Variants in SHANK2 observed in about 807,000 individuals in gnomAD.
SHANK2 encodes SH3 and multiple ankyrin repeat domains protein 2.
A neutral mutation model predicts 133.7 loss-of-function variants in SHANK2; 43 were observed. The observed-to-expected ratio is 0.32, with a 90% confidence interval of 0.25 to 0.41. SHANK2 has a LOEUF of 0.41. SHANK2 is among the 10% of genes least tolerant of loss of function. The pLI is 1.00. For synonymous variants in SHANK2, 1,017 were observed against 952.8 expected (o/e 1.07, Z -1.24); for missense variants, 1,994 against 2,235.8 (o/e 0.89, Z 2.18).
Position 70,777,383 on chromosome 11 carries a change from C to G in SHANK2, c.1777+21060G>C, listed in dbSNP as rs149805519. On this transcript the variant is annotated intron_variant, in intron 14 of 25. Coordinates refer to ENST00000601538, the MANE Select transcript of SHANK2 (RefSeq NM_012309.5). Reference sequence around the variant, plus strand: ...TCCATCCATACACCCATCCACCCACCCATGTATTCATCTACCCATCCACCC... The same window carrying G: ...TCCATCCATACACCCATCCACCCACGCATGTATTCATCTACCCATCCACCC... Among the ~76,000 whole-genome samples, 314 of 151,892 alleles carry G rather than the reference C, an allele frequency of 2.1e-3. 2 individuals carry two copies. Among genetic ancestry groups the G allele is most frequent in the Admixed American group, 3.9e-3 (59 of 15,250 alleles).
intron 11 of SHANK2, chr11:70,873,270 C>G: frequency 2.6e-6 from 1 of 386,138 alleles, no homozygotes; most frequent in Non-Finnish European, 5.3e-6. Flanking sequence ...TTAACATCCT[C>G]TGACAAAACC....
intron 8 of SHANK2, among the ~76,000 whole-genome samples, chr11:71,079,397 G>C (rs1951262188): frequency 6.6e-6 from 1 of 152,216 alleles, no homozygotes; most frequent in South Asian, 2.1e-4. Flanking sequence ...GGGCATATGG[G>C]AGTTCCTTGT....
At chr11:71,072,414 A>G (rs1169655750) in intron 9 of SHANK2, among the ~76,000 whole-genome samples, 2 of 152,236 alleles carry the variant, frequency 1.3e-5, no homozygotes, top group African/African-American at 4.8e-5. Flanking sequence ...CAGGGCTCAC[A>G]TCCCAGAAGC....
At chr11:70,788,185 C>T (rs1010627662) in intron 14 of SHANK2, among the ~76,000 whole-genome samples, 4 of 152,090 alleles carry the variant, frequency 2.6e-5, no homozygotes, top group Non-Finnish European at 4.4e-5. Flanking sequence ...GAGGACAGGT[C>T]CCCCACCAGG....
intron 2 of SHANK2, among the ~76,000 whole-genome samples, chr11:71,194,015 A>G (rs4418833): frequency 0.25 from 37,852 of 152,088 alleles, 5,421 homozygotes; most frequent in East Asian, 0.41. Context: ...GACACAGTTC[A>G]GCCCACAGCA....
chr11:71,087,094 A>G (rs1951429837), intron 8 of SHANK2, among the ~76,000 whole-genome samples: 1 of 152,206 alleles, frequency 6.6e-6, no homozygotes, highest in African/African-American at 2.4e-5. Context: ...GCAGCTGCAC[A>G]GGCTCAGGCC....
chr11:70,609,209 C>T (rs1472622337), intron 17 of SHANK2, among the ~76,000 whole-genome samples: 1 of 152,242 alleles, frequency 6.6e-6, no homozygotes, highest in Non-Finnish European at 1.5e-5. Flanking sequence ...CGGGACGGCC[C>T]ACCCAACAGA....
intron 10 of SHANK2, among the ~76,000 whole-genome samples, chr11:70,946,466 C>A (rs561432571): frequency 6.7e-6 from 1 of 149,948 alleles, no homozygotes; most frequent in Non-Finnish European, 1.5e-5. Context: ...CTCCACTAAC[C>A]AACTCTTCCC....
chr11:71,247,254 C>A (rs1490804107), intron 1 of SHANK2, among the ~76,000 whole-genome samples: 1 of 152,128 alleles, frequency 6.6e-6, no homozygotes, highest in Non-Finnish European at 1.5e-5. Flanking sequence ...GCAACAGTTC[C>A]TTTTAAAATA....
intron 6 of SHANK2, 42 bp downstream of exon 6, chr11:71,109,899 C>A: frequency 7.8e-7 from 1 of 1,276,922 alleles, no homozygotes; most frequent in Non-Finnish European, 1.1e-6. Context: ...CTTCTCTACG[C>A]TTCCGTAAAG....
chr11:70,491,838 A>C (rs1555155882), intron 22 of SHANK2, among the ~76,000 whole-genome samples: 1 of 151,832 alleles, frequency 6.6e-6, no homozygotes, highest in East Asian at 1.9e-4. Context: ...GCCTGCTCTG[A>C]GCCAGGCACC....
intron 3 of SHANK2, among the ~76,000 whole-genome samples, chr11:71,120,362 G>T (rs1555101232): frequency 6.6e-6 from 1 of 152,142 alleles, no homozygotes; most frequent in African/African-American, 2.4e-5. Context: ...ACAAAAGGAG[G>T]TTTGATTGAA....
chr11:70,851,714 G>C (rs1186253706), intron 11 of SHANK2, among the ~76,000 whole-genome samples: 1 of 152,194 alleles, frequency 6.6e-6, no homozygotes, highest in Non-Finnish European at 1.5e-5. Flanking sequence ...GTTACTCACA[G>C]CCAAATCTCA....
chr11:70,522,151 C>G (rs2059338393), intron 17 of SHANK2, among the ~76,000 whole-genome samples: 4 of 152,210 alleles, frequency 2.6e-5, no homozygotes, highest in Admixed American at 6.5e-5. Context: ...CTTTCCCCAC[C>G]ACAGCCCCGC....
chr11:70,624,967 C>A (rs1024704834), intron 17 of SHANK2, among the ~76,000 whole-genome samples: 1 of 152,200 alleles, frequency 6.6e-6, no homozygotes, highest in Non-Finnish European at 1.5e-5. Context: ...ACAGCCCCCA[C>A]AAGACCACCC....
intron 14 of SHANK2, among the ~76,000 whole-genome samples, chr11:70,746,701 G>C (rs560803223): frequency 1.3e-5 from 2 of 152,146 alleles, no homozygotes; most frequent in Non-Finnish European, 2.9e-5. Context: ...CCTCCATCTT[G>C]TTGCTCCCCT....
chr11:71,092,128 C>A (rs1340072416), intron 8 of SHANK2, among the ~76,000 whole-genome samples: 1 of 152,230 alleles, frequency 6.6e-6, no homozygotes, highest in Non-Finnish European at 1.5e-5. Flanking sequence ...GCGTCCACCC[C>A]ATAACTGCAG....
chr11:70,888,887 G>A (rs1949791628), intron 11 of SHANK2, among the ~76,000 whole-genome samples: 1 of 152,120 alleles, frequency 6.6e-6, no homozygotes, highest in African/African-American at 2.4e-5. Context: ...AAGAGCTGGG[G>A]GAGGAGCCAT....
At chr11:71,210,693 C>G (rs540850946) in intron 2 of SHANK2, among the ~76,000 whole-genome samples, 5 of 152,256 alleles carry the variant, frequency 3.3e-5, no homozygotes, top group South Asian at 2.1e-4. Context: ...CACTTCCCCC[C>G]ACTTGACCTG....
Sources: gnomAD v4.1 joint callset for allele counts (sites outside exome capture counted in the v4.1 genomes callset) on GRCh38, gnomAD v4.1.1 for gene constraint, MANE v1.5 for transcripts, NCBI Gene and HGNC (gene_info 2026-07-23, HGNC 2026-07-21) for gene names.